The following RP1L1 variants were observed in gnomAD, a reference collection of about 807,000 sequenced individuals.
The protein encoded by RP1L1 is retinitis pigmentosa 1-like 1 protein.
In RP1L1, 27 loss-of-function variants were observed where a neutral mutation model predicts 15.7. The observed-to-expected ratio is 1.72, with a 90% CI of 1.27 to 2.38. The LOEUF (loss-of-function observed/expected upper bound fraction) is 2.38, where lower values mean the gene tolerates loss of function less well. Among genes scored for constraint, RP1L1 ranks in the 30% most tolerant of loss-of-function variants. The pLI is 0.00. For missense variants in RP1L1, 4,798 were observed against 3,075.9 expected (o/e 1.56, Z -13.24); for synonymous variants, 1,813 against 1,276.7 (o/e 1.42, Z -8.96).
intron 1 of RP1L1, among the ~76,000 whole-genome samples, chr8:10,628,791 T>C (rs1036706357): frequency 6.6e-6 from 1 of 152,170 alleles, no homozygotes; most frequent in African/African-American, 2.4e-5. Context: ...ACACTGGAAG[T>C]AGAATCCTTG....
Position 10,622,862 on chromosome 8 carries a change from TGGG to T in RP1L1, c.337_339del (p.Pro113del). On this transcript the variant is annotated inframe_deletion, in exon 2 of 4. Transcript: ENST00000382483. ...CTCTCCTGTGGCCGGCCTGGTCCAC[TGGG>T]GGTCTTGGGGGGCTTCTTATCAGAG... 6.2e-7 allele frequency: 1 copy of T among 1,612,858 alleles called. No homozygotes were observed. Among genetic ancestry groups the T allele is most frequent in the Non-Finnish European group, 8.5e-7 (1 of 1,179,252 alleles).
intron 1 of RP1L1, among the ~76,000 whole-genome samples, chr8:10,624,894 C>G (rs377540723): frequency 6.6e-6 from 1 of 152,128 alleles, no homozygotes; most frequent in African/African-American, 2.4e-5. Flanking sequence ...GATGTGGGCC[C>G]CAGAGAGTGA....
In RP1L1 at chr8:10,608,349, G is replaced by A; in HGVS notation, c.5749C>T (p.Pro1917Ser). Reference protein sequence around the residue: ...EAPEAEKEAQPETESVEALET... With the variant: ...EAPEAEKEAQSETESVEALET... ...AGGGCCTCTACACTTTCTGTCTCTG[G>A]CTGGGCCTCCTTTTCTGCCTCCGGG... Residue 1917 changes from proline to serine, a missense_variant, in exon 4 of 4, where the codon CCA (proline) becomes TCA (serine). Transcript: ENST00000382483. 6.2e-7 allele frequency: 1 copy of A among 1,606,976 alleles called. No individual in the cohort carries two copies. The highest frequency in any genetic ancestry group is 8.5e-7 in the Non-Finnish European group (1 of 1,178,610).
At position 10,623,124 on chromosome 8, in the gene RP1L1, C is replaced by G. The variant is rs773438295; in HGVS notation, c.78G>C (p.Ser26=). 2 of 1,609,598 alleles carry G rather than the reference C, an allele frequency of 1.2e-6. No homozygotes were observed. The highest frequency in any genetic ancestry group is 1.7e-6 in the Non-Finnish European group (2 of 1,177,826). Residue 26 remains serine (S), a synonymous_variant, in exon 2 of 4, where the codon TCG becomes TCC. Coordinates refer to ENST00000382483, the MANE Select transcript of RP1L1 (RefSeq NM_178857.6). ...TCTTGGCTGGCGTGACCTTGGTGAC[C>G]GAGGGGGTGCGAGCCACAGAGGGCA... ...CFLPSVARTP[S]VTKVTPAKKI...
chr8:10,607,282 G>T lies in RP1L1; in HGVS notation c.6816C>A (p.Val2272=), dbSNP rs74638396. The change falls in exon 4 of 4, where the codon GTC becomes GTA. Residue 2272 remains valine, a synonymous_variant. Transcript: ENST00000382483. ...SEEASESSSP[V]PEDRPTPPPS... Reference sequence around the variant, plus strand: ...GGGGTGGAGTGGGCCTGTCCTCAGGGACTGGGCTGCTGCTTTCAGAAGCCT... The same window carrying T: ...GGGGTGGAGTGGGCCTGTCCTCAGGTACTGGGCTGCTGCTTTCAGAAGCCT... The T allele has an allele frequency of 8.7e-6, 14 of 1,614,224 alleles. No individual in the cohort carries two copies. Among genetic ancestry groups the T allele is most frequent in the Non-Finnish European group, 1.1e-5 (13 of 1,180,036 alleles).
At position 10,623,014 on chromosome 8, in the gene RP1L1, G is replaced by A. The variant is rs756444851; in HGVS notation, c.188C>T (p.Ala63Val). The stretch of plus-strand genomic sequence containing the variant: ...GCGCTGGGAGAGCTCGTCCATGAGG[G>A]CGCTGAAGGTCTTAAAGGCGCGCTG... ...VHQRAFKTFS[A>V]LMDELSQRVP... is the part of the protein sequence containing the mutation. The change falls in exon 2 of 4, where the codon GCC (alanine) becomes GTC (valine). Residue 63 changes from alanine to valine, a missense_variant. Coordinates refer to ENST00000382483, the MANE Select transcript of RP1L1 (RefSeq NM_178857.6). 2.5e-6 allele frequency: 4 copies of A among 1,614,150 alleles called. No individual in the cohort carries two copies. The highest frequency in any genetic ancestry group is 3.4e-6 in the Non-Finnish European group (4 of 1,180,032).
At chr8:10,634,554 T>C (rs1396424681) in intron 1 of RP1L1, among the ~76,000 whole-genome samples, 1 of 152,190 alleles carries the variant, frequency 6.6e-6, no homozygotes, top group African/African-American at 2.4e-5. Flanking sequence ...TCCATTTCCA[T>C]CCGGGGACCA....
chr8:10,606,574 C>G lies in RP1L1; in HGVS notation c.*321G>C, dbSNP rs1049287107. The G allele has an allele frequency of 2.8e-6, 1 of 356,502 alleles. No homozygotes were observed. Among genetic ancestry groups the G allele is most frequent in the Admixed American group, 4.5e-5 (1 of 22,038 alleles). 22.1% of individuals were successfully genotyped at this position (356,502 alleles called of 1,614,324 possible). A position where few individuals can be genotyped will look rare whatever the true frequency, so the allele number is the denominator to read the frequency against. ...AACAAACCCACAAACAAAAGCTAAA[C>G]TGGAGCCTTTCCAATCAGTTCCATC... On this transcript the variant is annotated 3_prime_UTR_variant, in exon 4 of 4. Coordinates refer to ENST00000382483, the MANE Select transcript of RP1L1 (RefSeq NM_178857.6).
intron 1 of RP1L1, among the ~76,000 whole-genome samples, chr8:10,631,645 C>A (rs1234190856): frequency 6.6e-6 from 1 of 152,218 alleles, no homozygotes; most frequent in African/African-American, 2.4e-5. Context: ...TCCCTGTCCC[C>A]CCTCCTCCAC....
At position 10,610,388 on chromosome 8, in the gene RP1L1, T is replaced by C. The variant is rs377321424; in HGVS notation, c.3710A>G (p.Gln1237Arg). 17 of 1,613,992 alleles carry C rather than the reference T, an allele frequency of 1.1e-5. No homozygotes were observed. In the African/African-American group the frequency reaches 1.5e-4, roughly 14 times the overall value. Residue 1237 changes from glutamine to arginine, a missense_variant, in exon 4 of 4, where the codon CAG becomes CGG. Gln to Arg is a conservative substitution (Grantham distance 43, BLOSUM62 1). Coordinates refer to ENST00000382483, the MANE Select transcript of RP1L1 (RefSeq NM_178857.6). ...GTELPLKTSN[Q>R]RPDSRTYESP... ...CTCATAAGTTCTTGAATCAGGCCTC[T>C]GGTTGGAGGTTTTCAGGGGCAGCTC...
intron 1 of RP1L1, among the ~76,000 whole-genome samples, chr8:10,642,725 A>G (rs1282359329): frequency 8.5e-5 from 13 of 152,206 alleles, no homozygotes; most frequent in Admixed American, 8.5e-4. Flanking sequence ...TACAGAGCAA[A>G]GGAAATTTGT....
chr8:10,608,724 G>T lies in RP1L1; in HGVS notation c.5374C>A (p.Gln1792Lys), dbSNP rs200997120. The T allele has an allele frequency of 6.2e-7, 1 of 1,614,156 alleles. No individual in the cohort carries two copies. Among genetic ancestry groups the T allele is most frequent in the Non-Finnish European group, 8.5e-7 (1 of 1,180,042 alleles). ...SAGSELGEAE[Q>K]EGEGISERGE... The stretch of plus-strand genomic sequence containing the variant: ...CTTTCACTTATGCCCTCTCCCTCCT[G>T]CTCAGCTTCCCCCAACTCACTGCCC... The change falls in exon 4 of 4, where the codon CAG (glutamine) becomes AAG (lysine). Residue 1792 changes from glutamine to lysine, a missense_variant. By Grantham distance (53) the Gln-to-Lys change is moderately conservative. Transcript: ENST00000382483.
At position 10,613,110 on chromosome 8, in the gene RP1L1, G is replaced by A. The variant is rs753792631; in HGVS notation, c.988C>T (p.His330Tyr). Reference sequence around the variant, plus strand: ...AGGAGCGTGTCCTCGCCGACCAGGTGGAAGCGGACTTTCATCTCCACGGAC... The same window carrying A: ...AGGAGCGTGTCCTCGCCGACCAGGTAGAAGCGGACTTTCATCTCCACGGAC... ...SLSVEMKVRF[H>Y]LVGEDTLLWS... The change falls in exon 4 of 4, where the codon CAC (histidine) becomes TAC (tyrosine). Residue 330 changes from histidine to tyrosine, a missense_variant. Transcript: ENST00000382483. 3.7e-6 allele frequency: 6 copies of A among 1,613,822 alleles called. No individual in the cohort carries two copies. The highest frequency in any genetic ancestry group is 3.3e-5 in the South Asian group (3 of 91,094).
chr8:10,633,570 C>T (rs900832860), intron 1 of RP1L1, among the ~76,000 whole-genome samples: 5 of 152,116 alleles, frequency 3.3e-5, no homozygotes, highest in African/African-American at 4.8e-5. Flanking sequence ...CAGGGGAGGC[C>T]GGGGAAATCG....
rs773579079 is a variant in RP1L1, at chr8:10,607,027, C to G, written c.7071G>C (p.Leu2357Phe). 6.2e-6 allele frequency: 10 copies of G among 1,614,216 alleles called. No individual in the cohort carries two copies. In the Admixed American group the frequency reaches 1.7e-4, roughly 27 times the overall value. Residue 2357 changes from leucine (L) to phenylalanine (F), a missense_variant, in exon 4 of 4, where the codon TTG (leucine) becomes TTC (phenylalanine). Coordinates refer to ENST00000382483, the MANE Select transcript of RP1L1 (RefSeq NM_178857.6). ...CCCCCTGCTCTGGAGTCCTTGAGCC[C>G]AAAGGGGCCTCTTCTTGCTCAGAAG... ...SSTSEQEEAP[L>F]GSRTPEQGAS...
chr8:10,644,022 G>A (rs894850318), intron 1 of RP1L1, among the ~76,000 whole-genome samples: 1 of 151,942 alleles, frequency 6.6e-6, no homozygotes, highest in East Asian at 1.9e-4. Flanking sequence ...TGTCAACAAG[G>A]GATTGTATTG....
At position 10,649,366 on chromosome 8, in the gene RP1L1, C is replaced by T. The variant is rs996446217; in HGVS notation, c.-20+5532G>A. 3.3e-5 allele frequency among the ~76,000 whole-genome samples: 5 copies of T among 152,202 alleles called. No individual in the cohort carries two copies. In the East Asian group the frequency reaches 5.8e-4, roughly 18 times the overall value. ...TCAATTTAGGAGGAAACACAGCACACGATAGCAAGCCTTCAACCTTCATTT... is the reference window on the plus strand; with the variant it reads ...TCAATTTAGGAGGAAACACAGCACATGATAGCAAGCCTTCAACCTTCATTT... On this transcript the variant is annotated intron_variant, in intron 1 of 3. Transcript: ENST00000382483.
chr8:10,611,941 C>T lies in RP1L1; in HGVS notation c.2157G>A (p.Leu719=). The T allele has an allele frequency of 1.2e-6, 2 of 1,613,886 alleles. No individual in the cohort carries two copies. The highest frequency in any genetic ancestry group is 1.1e-5 in the South Asian group (1 of 91,090). ...GAAGAGAGCCCGAGGAGGGAGGTCT[C>T]AGGTTCCCAGAGGCCTGTGTCCTGG... ...SSTRTQASGN[L]RPPSSGSLPS... Residue 719 remains leucine, a synonymous_variant, in exon 4 of 4, where the codon CTG becomes CTA. Coordinates refer to ENST00000382483, the MANE Select transcript of RP1L1 (RefSeq NM_178857.6).
chr8:10,652,118 T>G (rs1237113319), intron 1 of RP1L1, among the ~76,000 whole-genome samples: 1 of 152,180 alleles, frequency 6.6e-6, no homozygotes, highest in African/African-American at 2.4e-5. Flanking sequence ...TCTAGTTTCG[T>G]GCAAGTATAC....
Sources: gnomAD v4.1 joint callset for allele counts (sites outside exome capture counted in the v4.1 genomes callset) on GRCh38, gnomAD v4.1.1 for gene constraint, MANE v1.5 for transcripts, NCBI Gene and HGNC (gene_info 2026-07-23, HGNC 2026-07-21) for gene names.